The following SOX5 variants were observed in gnomAD, a reference collection of about 807,000 sequenced individuals.
SOX5 encodes transcription factor SOX-5.
SOX5 carries 9 observed loss-of-function variants against 92.0 expected under a neutral mutation model. That is an observed-to-expected ratio of 0.10 (90% CI 0.06 to 0.17). The LOEUF is 0.17. SOX5 is among the 10% of genes least tolerant of loss of function. The pLI, the probability that SOX5 is intolerant of heterozygous loss-of-function variation, is 1.00. For synonymous variants in SOX5, 344 were observed against 336.3 expected, an observed-to-expected ratio of 1.02 and a Z score of -0.25; for missense variants, 642 against 944.5, an observed-to-expected ratio of 0.68 and a Z score of 4.20.
At chr12:23,626,127 G>A (rs9971907) in intron 8 of SOX5, among the ~76,000 whole-genome samples, 94,874 of 151,780 alleles carry the variant, frequency 0.63, 29,658 homozygotes, top group Middle Eastern at 0.67. Flanking sequence ...ACAGAGAAAC[G>A]GAGAGAGATA....
chr12:23,534,796 C>T (rs914597154), intron 14 of SOX5, among the ~76,000 whole-genome samples: 1 of 151,334 alleles, frequency 6.6e-6, no homozygotes, highest in Non-Finnish European at 1.5e-5. Flanking sequence ...TGCAACCTCC[C>T]CCTCCAGGGT....
chr12:23,880,901 C>T (rs1197001973), intron 2 of SOX5, among the ~76,000 whole-genome samples: 1 of 152,170 alleles, frequency 6.6e-6, no homozygotes, highest in Admixed American at 6.5e-5. Context: ...ATAAACATAA[C>T]ATTTTTAGAA....
rs112569336 is a variant in SOX5, at chr12:24,160,905, C to T, written c.-2+52438G>A. On this transcript the variant is annotated intron_variant, in intron 4 of 4. Transcript: ENST00000446891. ...ACACAAACAATAGCATGTGCACACACACTCCTCCCTTTACCTATGGAGCTT... is the reference window on the plus strand; with the variant it reads ...ACACAAACAATAGCATGTGCACACATACTCCTCCCTTTACCTATGGAGCTT... Among the ~76,000 whole-genome samples, 9 of 152,224 alleles carry T rather than the reference C, an allele frequency of 5.9e-5. 1 individual carries two copies. Among genetic ancestry groups the T allele is most frequent in the African/African-American group, 2.2e-4 (9 of 41,562 alleles).
chr12:23,908,289 C>T (rs997400381), intron 1 of SOX5, among the ~76,000 whole-genome samples: 5 of 152,032 alleles, frequency 3.3e-5, no homozygotes, highest in African/African-American at 1.2e-4. Context: ...AGAAAGGAGG[C>T]CCACAGCTAA....
At chr12:23,994,539 T>C (rs1037707513) in intron 4 of SOX5, among the ~76,000 whole-genome samples, 1 of 152,142 alleles carries the variant, frequency 6.6e-6, no homozygotes, top group Non-Finnish European at 1.5e-5. Flanking sequence ...ATTATTATGG[T>C]ATTCAAGGAT....
At chr12:24,022,280 A>G (rs1233810400) in intron 4 of SOX5, among the ~76,000 whole-genome samples, 1 of 152,168 alleles carries the variant, frequency 6.6e-6, no homozygotes, top group African/African-American at 2.4e-5. Context: ...CTTGATGAAA[A>G]GAGAGACAAA....
chr12:23,805,901 A>G (rs898032886), intron 3 of SOX5, among the ~76,000 whole-genome samples: 2 of 152,200 alleles, frequency 1.3e-5, no homozygotes, highest in African/African-American at 4.8e-5. Flanking sequence ...CAATTAGACA[A>G]AGTATGCTGT....
intron 1 of SOX5, among the ~76,000 whole-genome samples, chr12:23,909,601 A>G (rs996488392): frequency 6.6e-5 from 10 of 152,192 alleles, no homozygotes; most frequent in Admixed American, 6.6e-4. Flanking sequence ...ATAGGTACTC[A>G]GTCTGCCATC....
chr12:23,999,851 G>T (rs1951429751), intron 4 of SOX5, among the ~76,000 whole-genome samples: 1 of 151,794 alleles, frequency 6.6e-6, no homozygotes, highest in Non-Finnish European at 1.5e-5. Flanking sequence ...CTGTTATATT[G>T]CTATACCTTC....
chr12:23,722,624 C>T (rs555377335), intron 6 of SOX5, among the ~76,000 whole-genome samples: 3 of 152,252 alleles, frequency 2.0e-5, no homozygotes, highest in South Asian at 2.1e-4. Context: ...TGTTTGCTTG[C>T]GAAATGATTT....
chr12:23,850,437 A>G (rs1568330781), intron 2 of SOX5, among the ~76,000 whole-genome samples: 2 of 104,484 alleles, frequency 1.9e-5, no homozygotes, highest in South Asian at 3.2e-4. Flanking sequence ...ACAAAAAAAA[A>G]ATAAATAAAT....
At chr12:24,317,289 T>G (rs900918412) in intron 2 of SOX5, among the ~76,000 whole-genome samples, 1 of 152,244 alleles carries the variant, frequency 6.6e-6, no homozygotes, top group African/African-American at 2.4e-5. Flanking sequence ...ATTACTTACT[T>G]TGAAGACTTG....
chr12:23,768,466 T>C (rs977276649), intron 3 of SOX5, among the ~76,000 whole-genome samples: 4 of 152,144 alleles, frequency 2.6e-5, no homozygotes, highest in Non-Finnish European at 5.9e-5. Flanking sequence ...CCAGGATGAA[T>C]ATGAAAGCTT....
chr12:24,116,081 T>G (rs1947958322), intron 4 of SOX5, among the ~76,000 whole-genome samples: 1 of 152,060 alleles, frequency 6.6e-6, no homozygotes, highest in Non-Finnish European at 1.5e-5. Flanking sequence ...AATATAACTA[T>G]CAAAAGATGG....
chr12:24,254,034 C>T (rs914863568), intron 3 of SOX5, among the ~76,000 whole-genome samples: 1 of 152,124 alleles, frequency 6.6e-6, no homozygotes, highest in Non-Finnish European at 1.5e-5. Flanking sequence ...TCCTGACTCA[C>T]AGTGAGTGCC....
chr12:23,789,815 A>T (rs2095439674), intron 3 of SOX5, among the ~76,000 whole-genome samples: 1 of 152,204 alleles, frequency 6.6e-6, no homozygotes, highest in African/African-American at 2.4e-5. Flanking sequence ...ATATTACCAG[A>T]TATATGTGAG....
chr12:24,300,745 G>A (rs534566457), intron 2 of SOX5, among the ~76,000 whole-genome samples: 1 of 152,270 alleles, frequency 6.6e-6, no homozygotes, highest in Admixed American at 6.5e-5. Flanking sequence ...AATCCCAGAG[G>A]TAGCTGATAG....
At chr12:24,333,202 T>C (rs572646042) in intron 2 of SOX5, among the ~76,000 whole-genome samples, 50 of 152,188 alleles carry the variant, frequency 3.3e-4, no homozygotes, top group Non-Finnish European at 5.7e-4. Flanking sequence ...CATATTATTA[T>C]GCTAGTTTAA....
chr12:23,619,342 C>A (rs898606890), intron 8 of SOX5, among the ~76,000 whole-genome samples: 2 of 152,116 alleles, frequency 1.3e-5, no homozygotes. Flanking sequence ...CATGTCATAT[C>A]TCTTGGAACC....
Sources: allele counts gnomAD v4.1 joint callset (sites outside exome capture counted in the v4.1 genomes callset), GRCh38; gene constraint gnomAD v4.1.1; transcripts MANE v1.5; gene names NCBI Gene and HGNC (gene_info 2026-07-23, HGNC 2026-07-21).